Variants in SEPTIN2 observed in about 807,000 individuals in gnomAD.
SEPTIN2 encodes septin-2.
A neutral mutation model predicts 46.5 loss-of-function variants in SEPTIN2; 34 were observed. That is an observed-to-expected ratio of 0.73 (90% confidence interval 0.56 to 0.97). SEPTIN2 has a LOEUF of 0.97. Ranked by LOEUF, SEPTIN2 falls within the 50% of genes least tolerant of loss-of-function variation. SEPTIN2 has a pLI of 0.00. For missense variants in SEPTIN2, 347 were observed against 448.4 expected, an observed-to-expected ratio of 0.77 and a Z score of 2.04; for synonymous variants, 175 against 153.4, an observed-to-expected ratio of 1.14 and a Z score of -1.04.
At position 241,337,777 on chromosome 2, in the gene SEPTIN2, G is replaced by T. The variant is rs760141925; in HGVS notation, c.581G>T (p.Arg194Leu). 6 of 1,613,466 alleles carry T rather than the reference G, an allele frequency of 3.7e-6. No individual in the cohort carries two copies. Among genetic ancestry groups the T allele is most frequent in the Middle Eastern group, 1.6e-4 (1 of 6,084 alleles). Residue 194 changes from arginine to leucine, a missense_variant, in exon 7 of 13, where the codon CGG (arginine) becomes CTG (leucine). Coordinates refer to ENST00000391971, the MANE Select transcript of SEPTIN2 (RefSeq NM_004404.5). ...ACTCTCACCCTGAAGGAACGGGAGCGGCTGAAGAAAAGGGTGAGTGAGGCT... is the reference window on the plus strand; with the variant it reads ...ACTCTCACCCTGAAGGAACGGGAGCTGCTGAAGAAAAGGGTGAGTGAGGCT... ...ADTLTLKERE[R>L]LKKRILDEIE...
intron 3 of SEPTIN2, among the ~76,000 whole-genome samples, chr2:241,332,136 T>C (rs1294084141): frequency 1.3e-5 from 2 of 150,526 alleles, no homozygotes; most frequent in African/African-American, 4.8e-5. Context: ...TTTTTATGAC[T>C]TTGTAGTAAG....
chr2:241,353,493 T>C lies in SEPTIN2; in HGVS notation c.*1556T>C, dbSNP rs1559686190. ...ATTTTTGTGGGGGCTAGAAAAAACATAAAATGAGGCAGTTAAATAATAATA... is the reference window on the plus strand; with the variant it reads ...ATTTTTGTGGGGGCTAGAAAAAACACAAAATGAGGCAGTTAAATAATAATA... On this transcript the variant is annotated 3_prime_UTR_variant, in exon 13 of 13. Transcript: ENST00000391971. 6.6e-6 allele frequency: 1 copy of C among 152,136 alleles called. No homozygotes were observed. The highest frequency in any genetic ancestry group is 1.5e-5 in the Non-Finnish European group (1 of 68,012). 9.4% of individuals were successfully genotyped at this position (152,136 alleles called of 1,614,324 possible).
At chr2:241,316,640 T>C (rs1320784907) in intron 1 of SEPTIN2, 1 of 982,972 alleles carries the variant, frequency 1.0e-6, no homozygotes, top group Non-Finnish European at 1.4e-6. Flanking sequence ...GTGGCTTCCG[T>C]GGTCTCAGTG....
intron 7 of SEPTIN2, 110 bp from the exon 8 acceptor site, chr2:241,342,869 GTCATCAGTTTGAT>G: frequency 1.6e-6 from 1 of 625,240 alleles, no homozygotes; most frequent in Non-Finnish European, 2.9e-6. Context: ...AGTAACTTTC[GTCATCAGTTTGAT>G]TATTGACATT....
chr2:241,318,367 C>G (rs937189165), intron 1 of SEPTIN2: 1 of 152,142 alleles, frequency 6.6e-6, no homozygotes, highest in Non-Finnish European at 1.5e-5. Flanking sequence ...TCTTTTCTAT[C>G]CTCAGCATTG....
At chr2:241,337,948 A>G (rs560220787) in intron 7 of SEPTIN2, among the ~76,000 whole-genome samples, 158 bp downstream of exon 7, 8 of 152,258 alleles carry the variant, frequency 5.3e-5, no homozygotes, top group Non-Finnish European at 1.0e-4. Context: ...GGAGAACCTG[A>G]TGGTTACAAA....
intron 1 of SEPTIN2, among the ~76,000 whole-genome samples, chr2:241,321,267 T>G (rs1368040534): frequency 6.7e-6 from 1 of 149,622 alleles, no homozygotes; most frequent in Non-Finnish European, 1.5e-5. Context: ...CTCACTTGAA[T>G]TTTTTTTTTT....
At position 241,336,114 on chromosome 2, in the gene SEPTIN2, C is replaced by T. The variant is rs1025068225; in HGVS notation, c.341+16C>T. ...GCAGAGATTGGTATGCTCCCCCATG[C>T]CCAGGGATCTGCATTTGTTTACTTA... is the stretch of plus-strand genomic sequence containing the variant. On this transcript the variant is annotated intron_variant, in intron 5 of 12. Transcript: ENST00000391971. 6.2e-7 allele frequency: 1 copy of T among 1,611,708 alleles called. No individual in the cohort carries two copies. The highest frequency in any genetic ancestry group is 8.5e-7 in the Non-Finnish European group (1 of 1,178,568).
intron 9 of SEPTIN2, among the ~76,000 whole-genome samples, chr2:241,344,182 G>A (rs2081653645): frequency 6.6e-6 from 1 of 152,090 alleles, no homozygotes; most frequent in East Asian, 1.9e-4. Flanking sequence ...GTTAAAAGGA[G>A]AAAAGGAGAC....
intron 10 of SEPTIN2, 32 bp downstream of exon 10, chr2:241,346,281 T>C (rs760000384): frequency 1.1e-5 from 18 of 1,568,900 alleles, no homozygotes; most frequent in Non-Finnish European, 1.6e-5. Context: ...CTCTGTATTG[T>C]GTCACCCTGA....
Position 241,315,934 on chromosome 2 carries a change from C to A in SEPTIN2, c.-66C>A, listed in dbSNP as rs913673399. The A allele has an allele frequency of 6.6e-6, 1 of 151,978 alleles. No homozygotes were observed. The highest frequency in any genetic ancestry group is 1.5e-5 in the Non-Finnish European group (1 of 68,008). The allele number at this position is 151,978 out of a possible 1,614,324, so 9.4% of individuals were successfully genotyped here. ...CTGTGAGCGGACCGCGAGCGCTGGG[C>A]GGGTCCGCGGCGCGGTCGGTCGGCG... On this transcript the variant is annotated 5_prime_UTR_variant, in exon 1 of 13. Coordinates refer to ENST00000391971, the MANE Select transcript of SEPTIN2 (RefSeq NM_004404.5).
At chr2:241,350,719 G>C (rs2150232437) in intron 12 of SEPTIN2, among the ~76,000 whole-genome samples, 1 of 152,194 alleles carries the variant, frequency 6.6e-6, no homozygotes, top group East Asian at 1.9e-4. Context: ...TGTCCCGACT[G>C]ATGGTCATTA....
chr2:241,334,817 C>G (rs2079648411), intron 3 of SEPTIN2, among the ~76,000 whole-genome samples: 1 of 152,212 alleles, frequency 6.6e-6, no homozygotes, highest in Non-Finnish European at 1.5e-5. Flanking sequence ...AAAAACCAAC[C>G]TCTAAAGTAC....
chr2:241,338,581 C>G (rs1319235911), intron 7 of SEPTIN2, among the ~76,000 whole-genome samples: 1 of 132,496 alleles, frequency 7.5e-6, no homozygotes, highest in Non-Finnish European at 1.5e-5. Flanking sequence ...AATACGCTGT[C>G]TCTAAAAAAA....
intron 7 of SEPTIN2, among the ~76,000 whole-genome samples, chr2:241,338,902 T>C (rs1451807321): frequency 1.3e-5 from 1 of 79,386 alleles, no homozygotes; most frequent in Non-Finnish European, 2.3e-5. Flanking sequence ...ATTATATATA[T>C]TATATATAAT....
At chr2:241,335,053 T>C in intron 3 of SEPTIN2, 73 bp from the exon 4 acceptor site, 1 of 1,029,216 alleles carries the variant, frequency 9.7e-7, no homozygotes, top group Non-Finnish European at 1.5e-6. Flanking sequence ...TACCAGGCCT[T>C]ATGTAAACAC....
At position 241,352,866 on chromosome 2, in the gene SEPTIN2, A is replaced by G. The variant is rs1391635645; in HGVS notation, c.*929A>G. 7 of 152,246 alleles carry G rather than the reference A, an allele frequency of 4.6e-5. No individual in the cohort carries two copies. The South Asian group carries it at 1.4e-3, about 31-fold the overall frequency. 9.4% of individuals were successfully genotyped at this position (152,246 alleles called of 1,614,324 possible). ...TAGCAGTTGGTCTATTCAGAATCAAACCTTTTTATATTTTATACTGCACTT... is the reference window on the plus strand; with the variant it reads ...TAGCAGTTGGTCTATTCAGAATCAAGCCTTTTTATATTTTATACTGCACTT... On this transcript the variant is annotated 3_prime_UTR_variant, in exon 13 of 13. Coordinates refer to ENST00000391971, the MANE Select transcript of SEPTIN2 (RefSeq NM_004404.5).
chr2:241,324,978 T>TA (rs1553680121), intron 2 of SEPTIN2: 2 of 151,940 alleles, frequency 1.3e-5, no homozygotes, highest in African/African-American at 2.4e-5. Flanking sequence ...GTTTTTTTTT[T>TA]ATCTTTGAAT....
chr2:241,317,408 A>T, intron 1 of SEPTIN2: 1 of 319,318 alleles, frequency 3.1e-6, no homozygotes, highest in Non-Finnish European at 4.5e-6. Flanking sequence ...ACTGGCTCTT[A>T]AACTAGCAAG....
Sources: gnomAD v4.1 joint callset for allele counts (sites outside exome capture counted in the v4.1 genomes callset) on GRCh38, gnomAD v4.1.1 for gene constraint, MANE v1.5 for transcripts, NCBI Gene and HGNC (gene_info 2026-07-23, HGNC 2026-07-21) for gene names.